The following PRH1 variants were observed in gnomAD, a reference collection of about 807,000 sequenced individuals.
PRH1 encodes salivary acidic proline-rich phosphoprotein 1/2.
PRH1 carries 7 observed loss-of-function variants against 7.9 expected under a neutral mutation model. That is an observed-to-expected ratio of 0.89 (90% CI 0.50 to 1.67). The LOEUF (loss-of-function observed/expected upper bound fraction) is 1.67. PRH1 is among the 40% of genes most tolerant of loss of function. The pLI, the probability that PRH1 is intolerant of heterozygous loss-of-function variation, is 0.00. For missense variants in PRH1, 109 were observed against 223.6 expected, an observed-to-expected ratio of 0.49 and a Z score of 3.27; for synonymous variants, 45 against 80.8, an observed-to-expected ratio of 0.56 and a Z score of 2.38.
chr12:10,982,794 A>C (rs940721669), intron 1 of PRH1, among the ~76,000 whole-genome samples: 8 of 151,972 alleles, frequency 5.3e-5, no homozygotes, highest in African/African-American at 1.9e-4. Context: ...ACATAGATGA[A>C]GTTTATAGGG....
chr12:11,100,234 G>C (rs1176756240), intron 1 of PRH1, among the ~76,000 whole-genome samples: 1 of 152,150 alleles, frequency 6.6e-6, no homozygotes, highest in Non-Finnish European at 1.5e-5. Flanking sequence ...TAAAGGGCAA[G>C]AGATGGAACA....
intron 1 of PRH1, 47 bp from the exon 2 acceptor site, chr12:10,883,143 T>C (rs868526043): frequency 6.3e-7 from 1 of 1,589,514 alleles, no homozygotes; most frequent in Admixed American, 1.7e-5. Flanking sequence ...TCCTGAATCA[T>C]TCAAGGCTCA....
chr12:10,938,595 T>A (rs1240810957), intron 2 of PRH1: 2 of 1,613,792 alleles, frequency 1.2e-6, no homozygotes, highest in Non-Finnish European at 1.7e-6. Context: ...TGTTTCCACA[T>A]GGAGAAGATG....
At chr12:10,966,159 A>G (rs1674749551) in intron 2 of PRH1, among the ~76,000 whole-genome samples, 2 of 152,326 alleles carry the variant, frequency 1.3e-5, no homozygotes, top group South Asian at 4.1e-4. Flanking sequence ...AAAATATATT[A>G]AACATATCTC....
rs746771062 is a variant in PRH1, at chr12:10,967,624, TTTTTGTTTTG to T, written c.-59+6021_-59+6030del. Among the ~76,000 whole-genome samples the T allele has an allele frequency of 1.1e-4, 16 of 152,374 alleles. No individual in the cohort carries two copies. In the South Asian group the frequency reaches 1.7e-3, roughly 16 times the overall value. ...AGGAAATTGATTTCATGTGATTAGCTTTTTGTTTTGTTTTGTTTTGTTTTGTTTTTGGCAT... is the reference window on the plus strand; with the variant it reads ...AGGAAATTGATTTCATGTGATTAGCTTTTTGTTTTGTTTTGTTTTTGGCAT... On this transcript the variant is annotated intron_variant, in intron 2 of 3. Coordinates refer to the PRH1 transcript ENST00000539853.
intron 1 of PRH1, among the ~76,000 whole-genome samples, chr12:11,071,355 G>T (rs34711444): frequency 6.6e-6 from 1 of 151,828 alleles, no homozygotes; most frequent in East Asian, 1.9e-4. Context: ...TAGTGCAGGG[G>T]TTCAGTCAGA....
At chr12:10,917,019 T>A (rs1949981615) in intron 2 of PRH1, among the ~76,000 whole-genome samples, 1 of 152,156 alleles carries the variant, frequency 6.6e-6, no homozygotes, top group South Asian at 2.1e-4. Flanking sequence ...CAGGCTGCAG[T>A]GAGCCATGCT....
chr12:10,990,881 C>T (rs1021454457), intron 1 of PRH1, among the ~76,000 whole-genome samples: 12 of 152,090 alleles, frequency 7.9e-5, no homozygotes, highest in East Asian at 1.9e-4. Flanking sequence ...ATGTTAACTC[C>T]GTGTTTTTGG....
At chr12:11,078,517 A>AATG (rs1944386935) in intron 1 of PRH1, 1 of 152,472 alleles carries the variant, frequency 6.6e-6, no homozygotes, top group African/African-American at 2.5e-5. Context: ...TACATGCTGA[A>AATG]TTTTTTTATA....
At chr12:11,048,959 T>C, upstream of PRH1, 1 of 282,178 alleles carries the variant, frequency 3.5e-6, no homozygotes, top group Non-Finnish European at 7.2e-6. Context: ...CTGAGGCTAG[T>C]AACACCCAGA....
chr12:11,132,983 A>C (rs1946410979), intron 1 of PRH1: 1 of 296,906 alleles, frequency 3.4e-6, no homozygotes, highest in Non-Finnish European at 6.1e-6. Context: ...TAAATTCTAC[A>C]AATGAAATAT....
chr12:11,108,182 G>A (rs532403803), intron 1 of PRH1, among the ~76,000 whole-genome samples: 6 of 152,194 alleles, frequency 3.9e-5, no homozygotes, highest in African/African-American at 9.6e-5. Context: ...AATTTCAAAC[G>A]GATTACTTCA....
rs760744153 is a variant in PRH1, at chr12:10,997,427, T to C, written c.-125-23706A>G. 41 of 1,613,936 alleles carry C rather than the reference T, an allele frequency of 2.5e-5. 1 individual carries two copies. Among genetic ancestry groups the C allele is most frequent in the South Asian group, 1.9e-4 (17 of 91,080 alleles). On this transcript the variant is annotated intron_variant, in intron 1 of 3. Coordinates refer to the PRH1 transcript ENST00000539853. ...ACATTCTTCTGTCCACACATTTATA[T>C]ACGTGTGTTTCATCACAAGGTGACA...
At chr12:11,048,993 G>T, upstream of PRH1, 1 of 291,622 alleles carries the variant, frequency 3.4e-6, no homozygotes, top group Non-Finnish European at 6.9e-6. Context: ...GGTTATTGCT[G>T]AGACATTAGA....
chr12:10,947,279 A>G (rs944405490), intron 2 of PRH1, among the ~76,000 whole-genome samples: 1 of 152,146 alleles, frequency 6.6e-6, no homozygotes, highest in African/African-American at 2.4e-5. Context: ...GTAGGTCTCT[A>G]AGAACTTGCC....
intron 1 of PRH1, chr12:11,022,017 GAGGTTTGCT>G: frequency 1.3e-6 from 2 of 1,582,530 alleles, no homozygotes; most frequent in Non-Finnish European, 1.7e-6. Context: ...TAAAGGGTAT[GAGGTTTGCT>G]AGAGTAGTTA....
At chr12:11,052,767 A>G (rs771814406) in intron 1 of PRH1, among the ~76,000 whole-genome samples, 7 of 145,738 alleles carry the variant, frequency 4.8e-5, no homozygotes, top group Non-Finnish European at 9.2e-5. Flanking sequence ...GACTCTTTCT[A>G]TTGGATTCTC....
At chr12:11,114,213 T>A (rs926166975) in intron 1 of PRH1, among the ~76,000 whole-genome samples, 1 of 152,208 alleles carries the variant, frequency 6.6e-6, no homozygotes, top group African/African-American at 2.4e-5. Context: ...CATGTATGTT[T>A]ATTGCAGCAT....
At chr12:11,070,507 C>T (rs1162520853) in intron 1 of PRH1, among the ~76,000 whole-genome samples, 2 of 152,120 alleles carry the variant, frequency 1.3e-5, no homozygotes, top group African/African-American at 4.8e-5. Flanking sequence ...AAAGTGCCCG[C>T]TGTGGTCTCT....
Sources: gnomAD v4.1 joint callset for allele counts (sites outside exome capture counted in the v4.1 genomes callset) on GRCh38, gnomAD v4.1.1 for gene constraint, MANE v1.5 for transcripts, NCBI Gene and HGNC (gene_info 2026-07-23, HGNC 2026-07-21) for gene names.